PREX2: variants seen among roughly 807,000 people sequenced by gnomAD.
The protein encoded by PREX2 is phosphatidylinositol 3,4,5-trisphosphate-dependent Rac exchanger 2 protein.
PREX2 carries 107 observed loss-of-function variants against 203.2 expected under a neutral mutation model. The ratio of observed to expected loss-of-function variants is 0.53; its 90% confidence interval spans 0.45 to 0.62. PREX2 has a LOEUF of 0.62. Ranked by LOEUF, PREX2 falls within the 20% of genes least tolerant of loss-of-function variation. The pLI is 0.00. For synonymous variants in PREX2, 672 were observed against 663.6 expected, an observed-to-expected ratio of 1.01 and a Z score of -0.19; for missense variants, 1,777 against 1,955.9, an observed-to-expected ratio of 0.91 and a Z score of 1.72.
chr8:68,212,052 T>C (rs935296622), intron 37 of PREX2, among the ~76,000 whole-genome samples: 1 of 152,188 alleles, frequency 6.6e-6, no homozygotes. Flanking sequence ...ACCCACTGAC[T>C]CCTAAACTCT....
chr8:68,052,326 G>A (rs965897089), intron 8 of PREX2, among the ~76,000 whole-genome samples: 2 of 152,146 alleles, frequency 1.3e-5, no homozygotes, highest in Admixed American at 1.3e-4. Context: ...TCGTTTGCAA[G>A]TTATGTCACT....
Position 68,053,209 on chromosome 8 carries a change from G to T in PREX2, c.1056G>T (p.Trp352Cys), listed in dbSNP as rs1295681283. The T allele has an allele frequency of 6.2e-7, 1 of 1,613,734 alleles. No individual in the cohort carries two copies. Among genetic ancestry groups the T allele is most frequent in the Middle Eastern group, 1.7e-4 (1 of 6,056 alleles). The change falls in exon 9 of 40, where the codon TGG (tryptophan) becomes TGT (cysteine). Residue 352 changes from tryptophan (W) to cysteine (C), a missense_variant. By Grantham distance (215) the Trp-to-Cys change is radical. Coordinates refer to ENST00000288368, the MANE Select transcript of PREX2 (RefSeq NM_024870.4). ...MAKTPEEKHE[W>C]FEAILKERER... Reference sequence around the variant, plus strand: ...AAACACCTGAAGAGAAGCATGAATGGTTTGAAGCTATTTTGAAAGAAAGAG... The same window carrying T: ...AAACACCTGAAGAGAAGCATGAATGTTTTGAAGCTATTTTGAAAGAAAGAG...
At chr8:68,182,803 A>G (rs1040516588) in intron 35 of PREX2, among the ~76,000 whole-genome samples, 2 of 151,906 alleles carry the variant, frequency 1.3e-5, no homozygotes, top group Non-Finnish European at 1.5e-5. Flanking sequence ...ATAATTTAGC[A>G]CAAGGAACAG....
chr8:68,111,056 A>G (rs545066751), intron 25 of PREX2: 30 of 270,370 alleles, frequency 1.1e-4, no homozygotes, highest in African/African-American at 6.4e-4. Context: ...ATGATATTTT[A>G]CTTCATTTAA....
rs116549212 is a variant in PREX2, at chr8:68,030,582, A to G, written c.629A>G (p.Asn210Ser). 162 of 1,613,734 alleles carry G rather than the reference A, an allele frequency of 1.0e-4. No homozygotes were observed. The African/African-American group carries it at 1.8e-3, about 18-fold the overall frequency. Residue 210 changes from asparagine to serine, a missense_variant, in exon 6 of 40, where the codon AAC becomes AGC. By Grantham distance (46) the Asn-to-Ser change is conservative (BLOSUM62 1). Transcript: ENST00000288368. ...ALQAMKAVCSNINEAKRQMEK... is the reference protein window; with the variant it reads ...ALQAMKAVCSSINEAKRQMEK... The stretch of plus-strand genomic sequence containing the variant: ...CAAGCCATGAAAGCTGTCTGTTCCA[A>G]CATAAACGAGGCCAAGAGACAGATG...
intron 32 of PREX2, 90 bp downstream of exon 32, chr8:68,134,366 G>C (rs377725829): frequency 3.8e-6 from 4 of 1,044,102 alleles, no homozygotes; most frequent in Non-Finnish European, 5.8e-6. Context: ...TTTCTTTCCC[G>C]CTGGTTATCT....
At chr8:68,028,668 C>T (rs1807799558) in intron 5 of PREX2, among the ~76,000 whole-genome samples, 1 of 151,904 alleles carries the variant, frequency 6.6e-6, no homozygotes, top group East Asian at 1.9e-4. Context: ...GCAAATGTGT[C>T]TCCTTTTTTT....
chr8:67,987,976 A>G (rs1656335349), intron 1 of PREX2, among the ~76,000 whole-genome samples: 2 of 152,036 alleles, frequency 1.3e-5, no homozygotes, highest in African/African-American at 4.8e-5. Context: ...TGCAGTCCCC[A>G]TAGGTAGAAG....
intron 1 of PREX2, among the ~76,000 whole-genome samples, chr8:68,003,231 G>C (rs966148381): frequency 2.0e-5 from 3 of 151,936 alleles, no homozygotes; most frequent in African/African-American, 4.8e-5. Flanking sequence ...GCCCAGGCTG[G>C]ACTCAAACTC....
chr8:67,966,298 TTACTATGTTG>T (rs1381501257), intron 1 of PREX2, among the ~76,000 whole-genome samples: 2 of 152,198 alleles, frequency 1.3e-5, no homozygotes, highest in Admixed American at 1.3e-4. Context: ...GCCTATAGTT[TTACTATGTTG>T]TACTATATAT....
At chr8:68,080,296 C>A (rs1410147868) in intron 15 of PREX2, 147 bp from the exon 16 acceptor site, 8 of 562,932 alleles carry the variant, frequency 1.4e-5, no homozygotes, top group Non-Finnish European at 2.1e-5. Flanking sequence ...AAAAACAAAA[C>A]CCGGGGCTAC....
chr8:68,037,719 A>T (rs747901943), intron 6 of PREX2, among the ~76,000 whole-genome samples: 7 of 152,054 alleles, frequency 4.6e-5, no homozygotes, highest in Non-Finnish European at 1.0e-4. Flanking sequence ...CTAGGGGTGG[A>T]TATATAAATT....
intron 32 of PREX2, among the ~76,000 whole-genome samples, chr8:68,136,970 A>G (rs1226431446): frequency 6.6e-6 from 1 of 151,798 alleles, no homozygotes; most frequent in Admixed American, 6.6e-5. Context: ...CAGTGGCGCA[A>G]TCTCAGCTCA....
At chr8:68,113,716 G>A (rs1373500363) in intron 25 of PREX2, among the ~76,000 whole-genome samples, 2 of 152,090 alleles carry the variant, frequency 1.3e-5, no homozygotes. Context: ...GCAGCTTCAC[G>A]CTTCCTTCCC....
chr8:68,091,529 G>T (rs1809873414), intron 20 of PREX2, among the ~76,000 whole-genome samples: 1 of 152,146 alleles, frequency 6.6e-6, no homozygotes, highest in African/African-American at 2.4e-5. Flanking sequence ...AAGATGAATG[G>T]CCATTTTCTC....
intron 37 of PREX2, among the ~76,000 whole-genome samples, chr8:68,206,999 A>G (rs1812637905): frequency 6.6e-6 from 1 of 152,234 alleles, no homozygotes; most frequent in Non-Finnish European, 1.5e-5. Context: ...GAGGAAGAAT[A>G]TATACTTGTC....
intron 31 of PREX2, among the ~76,000 whole-genome samples, chr8:68,131,005 A>G (rs1187774892): frequency 6.6e-6 from 1 of 152,228 alleles, no homozygotes; most frequent in African/African-American, 2.4e-5. Flanking sequence ...ATCTGGAAGA[A>G]AGGTATAGGC....
chr8:68,050,720 A>G (rs1353410724), intron 8 of PREX2, among the ~76,000 whole-genome samples: 1 of 152,186 alleles, frequency 6.6e-6, no homozygotes, highest in African/African-American at 2.4e-5. Flanking sequence ...TGTGCTTTCC[A>G]AAAGAGATTT....
intron 8 of PREX2, among the ~76,000 whole-genome samples, chr8:68,049,065 G>T (rs1252309073): frequency 4.0e-5 from 6 of 149,888 alleles, no homozygotes; most frequent in Admixed American, 3.3e-4. Flanking sequence ...GTTCAGAAAG[G>T]TCAAGGGATG....
Sources: gnomAD v4.1 joint callset for allele counts (sites outside exome capture counted in the v4.1 genomes callset) on GRCh38, gnomAD v4.1.1 for gene constraint, MANE v1.5 for transcripts, NCBI Gene and HGNC (gene_info 2026-07-23, HGNC 2026-07-21) for gene names.